NTRK3: variants seen among roughly 807,000 people sequenced by gnomAD.
NTRK3 encodes the protein NT-3 growth factor receptor.
Under a neutral mutation model 91.7 loss-of-function variants are expected in NTRK3, and 24 were observed. The ratio of observed to expected loss-of-function variants is 0.26; its 90% CI spans 0.19 to 0.37. NTRK3 has a LOEUF of 0.37. Among genes scored for constraint, NTRK3 ranks in the 10% least tolerant of loss-of-function variants. The probability of loss-of-function intolerance (pLI) is 1.00; values close to 1 mark genes in which losing one functional copy is unlikely to be tolerated. For synonymous variants in NTRK3, 483 were observed against 404.0 expected (o/e 1.20, Z -2.34); for missense variants, 880 against 1,068.9 (o/e 0.82, Z 2.46).
intron 14 of NTRK3, among the ~76,000 whole-genome samples, chr15:87,957,936 G>A (rs896707619): frequency 7.2e-5 from 11 of 152,148 alleles, no homozygotes; most frequent in African/African-American, 1.7e-4. Context: ...GAATTCCTCC[G>A]AGGAGAGGAA....
chr15:87,909,451 T>G (rs958227118), intron 17 of NTRK3, among the ~76,000 whole-genome samples: 2 of 152,042 alleles, frequency 1.3e-5, no homozygotes, highest in African/African-American at 2.4e-5. Flanking sequence ...ATTCATGAAG[T>G]AACATGTCCC....
intron 13 of NTRK3, among the ~76,000 whole-genome samples, chr15:88,090,945 A>G (rs1338677496): frequency 6.6e-6 from 1 of 152,238 alleles, no homozygotes; most frequent in African/African-American, 2.4e-5. Flanking sequence ...TGCTCAAGCC[A>G]TCTGACCAAG....
At chr15:88,031,207 G>A (rs146555504) in intron 14 of NTRK3, among the ~76,000 whole-genome samples, 94 of 152,278 alleles carry the variant, frequency 6.2e-4, no homozygotes, top group African/African-American at 1.9e-3. Flanking sequence ...ACCTAACCTC[G>A]TGTCTTCCCT....
rs552845542 is a variant in NTRK3, at chr15:88,202,213, G to A, written c.249-17914C>T. Among the ~76,000 whole-genome samples, 25 of 152,258 alleles carry A rather than the reference G, an allele frequency of 1.6e-4. 1 individual carries two copies. The highest frequency in any genetic ancestry group is 5.8e-4 in the East Asian group (3 of 5,172). On this transcript the variant is annotated intron_variant, in intron 3 of 18. Coordinates refer to ENST00000394480, the Ensembl canonical transcript of NTRK3. The stretch of plus-strand genomic sequence containing the variant: ...TCTCCTAGCTAATCCAATCCTAAGC[G>A]GGGAGGCACGAGGGGCTTTTTTCTC...
At chr15:88,075,970 T>C (rs892882426) in intron 13 of NTRK3, among the ~76,000 whole-genome samples, 1 of 152,252 alleles carries the variant, frequency 6.6e-6, no homozygotes, top group Non-Finnish European at 1.5e-5. Flanking sequence ...CACACTCAGC[T>C]TTCAGCTTAG....
At position 87,909,550 on chromosome 15, in the gene NTRK3, C is replaced by T. The variant is rs556732140; in HGVS notation, c.2133+19641G>A. Among the ~76,000 whole-genome samples the T allele has an allele frequency of 1.1e-3, 161 of 152,000 alleles. 1 individual carries two copies. The highest frequency in any genetic ancestry group is 2.1e-3 in the Admixed American group (32 of 15,272). Reference sequence around the variant, plus strand: ...GCTGAGTGCTGATGGCAGGGAGGGACGAACAGAAAGAAAGAAGACGGAGAT... The same window carrying T: ...GCTGAGTGCTGATGGCAGGGAGGGATGAACAGAAAGAAAGAAGACGGAGAT... On this transcript the variant is annotated intron_variant, in intron 17 of 18. Transcript: ENST00000394480.
intron 5 of NTRK3, among the ~76,000 whole-genome samples, chr15:88,174,652 G>T (rs139593806): frequency 3.6e-4 from 55 of 152,316 alleles, no homozygotes; most frequent in African/African-American, 1.3e-3. Flanking sequence ...AAAGTCCAGG[G>T]GGAAACAGCT....
chr15:88,239,000 G>A (rs886854363), intron 3 of NTRK3, among the ~76,000 whole-genome samples: 1 of 152,210 alleles, frequency 6.6e-6, no homozygotes, highest in Non-Finnish European at 1.5e-5. Context: ...GACAGTGGCT[G>A]TGCGGATTAA....
At chr15:87,877,196 C>A (rs2141440189) in intron 18 of NTRK3, 76 bp from the exon 20 acceptor site, 1 of 1,467,058 alleles carries the variant, frequency 6.8e-7, no homozygotes, top group Non-Finnish European at 9.4e-7. Flanking sequence ...CGGCAAAAAG[C>A]AACAACTTCC....
chr15:87,887,028 T>C (rs2065595155), intron 17 of NTRK3, among the ~76,000 whole-genome samples: 1 of 151,766 alleles, frequency 6.6e-6, no homozygotes, highest in Non-Finnish European at 1.5e-5. Flanking sequence ...AATAACAGAG[T>C]CCTAAAAATT....
chr15:88,244,423 A>G, intron 3 of NTRK3, among the ~76,000 whole-genome samples: 1 of 152,238 alleles, frequency 6.6e-6, no homozygotes, highest in East Asian at 1.9e-4. Context: ...GAGGAGGGCA[A>G]GGATTGGAAC....
At chr15:88,146,826 T>A (rs543876050) in intron 6 of NTRK3, among the ~76,000 whole-genome samples, 12 of 152,152 alleles carry the variant, frequency 7.9e-5, no homozygotes, top group Admixed American at 7.9e-4. Context: ...AAGGTGTGGG[T>A]TCAAGTCCCA....
At chr15:88,132,598 CAT>C (rs1266123494) in intron 10 of NTRK3, among the ~76,000 whole-genome samples, 1 of 152,168 alleles carries the variant, frequency 6.6e-6, no homozygotes, top group Non-Finnish European at 1.5e-5. Flanking sequence ...GAGAAACACA[CAT>C]GATAATCACG....
chr15:88,007,652 CTT>C (rs2141710151), intron 14 of NTRK3, among the ~76,000 whole-genome samples: 1 of 152,312 alleles, frequency 6.6e-6, no homozygotes, highest in Admixed American at 6.5e-5. Context: ...CCTGTTTTAT[CTT>C]TTGTCTTAAG....
intron 14 of NTRK3, among the ~76,000 whole-genome samples, chr15:87,969,190 G>A (rs753663931): frequency 6.6e-6 from 1 of 152,128 alleles, no homozygotes; most frequent in Non-Finnish European, 1.5e-5. Flanking sequence ...TTGGTGCCCA[G>A]GCCCAAACGG....
chr15:87,864,344 A>C (rs1451944716), exon 19 of NTRK3: 2 of 231,356 alleles, frequency 8.6e-6, no homozygotes, highest in Non-Finnish European at 1.7e-5. Context: ...TCTAGCCTGG[A>C]AAAGGAAGTA....
intron 3 of NTRK3, among the ~76,000 whole-genome samples, chr15:88,212,201 T>C (rs1249781287): frequency 1.3e-5 from 2 of 152,082 alleles, no homozygotes; most frequent in Admixed American, 6.5e-5. Context: ...ACCCCGTCTC[T>C]ATTAAAAATA....
chr15:88,098,953 T>G (rs914688516), intron 13 of NTRK3: 2 of 232,386 alleles, frequency 8.6e-6, no homozygotes, highest in Non-Finnish European at 1.7e-5. Context: ...TTTTAATTTG[T>G]GGCACCCTCT....
chr15:88,059,149 G>C (rs563940334), intron 13 of NTRK3, among the ~76,000 whole-genome samples: 1 of 152,256 alleles, frequency 6.6e-6, no homozygotes, highest in East Asian at 1.9e-4. Context: ...ATGGCAAGCA[G>C]AGGGCAGGAA....
Sources: allele counts gnomAD v4.1 joint callset (sites outside exome capture counted in the v4.1 genomes callset), GRCh38; gene constraint gnomAD v4.1.1; transcripts MANE v1.5; gene names NCBI Gene and HGNC (gene_info 2026-07-23, HGNC 2026-07-21).